MYT1L: variants seen among roughly 807,000 people sequenced by gnomAD.
MYT1L encodes myelin transcription factor 1-like protein.
Under a neutral mutation model 126.7 loss-of-function variants are expected in MYT1L, and 12 were observed. The ratio of observed to expected loss-of-function variants is 0.09; its 90% CI spans 0.06 to 0.15. MYT1L has a LOEUF of 0.15. Among genes scored for constraint, MYT1L ranks in the 10% least tolerant of loss-of-function variants. The pLI is 1.00. For missense variants in MYT1L, 979 were observed against 1,585.2 expected, an observed-to-expected ratio of 0.62 and a Z score of 6.49; for synonymous variants, 541 against 604.2, an observed-to-expected ratio of 0.90 and a Z score of 1.53.
intron 2 of MYT1L, among the ~76,000 whole-genome samples, chr2:2,212,443 A>C (rs1414234590): frequency 6.6e-6 from 1 of 152,174 alleles, no homozygotes; most frequent in Non-Finnish European, 1.5e-5. Context: ...TATAACAACA[A>C]ATGTTATATA....
chr2:1,996,281 C>T (rs1264233018), intron 5 of MYT1L, among the ~76,000 whole-genome samples: 1 of 151,658 alleles, frequency 6.6e-6, no homozygotes, highest in South Asian at 2.1e-4. Flanking sequence ...CTGTACAGAA[C>T]CGAGTGTAGA....
chr2:2,047,232 TC>T (rs2068294426), intron 4 of MYT1L, among the ~76,000 whole-genome samples: 1 of 152,240 alleles, frequency 6.6e-6, no homozygotes, highest in Non-Finnish European at 1.5e-5. Context: ...AAGTTTAATG[TC>T]TTACATGGAC....
chr2:1,798,593 C>T (rs1472300255), intron 23 of MYT1L, among the ~76,000 whole-genome samples: 1 of 152,218 alleles, frequency 6.6e-6, no homozygotes, highest in Non-Finnish European at 1.5e-5. Flanking sequence ...TTGAACATGT[C>T]ATGACGCACT....
At chr2:2,246,654 A>G (rs1421612) in intron 2 of MYT1L, among the ~76,000 whole-genome samples, 16,074 of 152,194 alleles carry the variant, frequency 0.11, 1,075 homozygotes, top group African/African-American at 0.19. Flanking sequence ...TATACAAGGT[A>G]ATTCACAATG....
intron 3 of MYT1L, among the ~76,000 whole-genome samples, chr2:2,136,331 G>A (rs2083048772): frequency 6.6e-6 from 1 of 152,144 alleles, no homozygotes; most frequent in Non-Finnish European, 1.5e-5. Context: ...TGTTACCAAG[G>A]AGCGAGGAAT....
At chr2:1,968,628 T>C (rs1293133306) in intron 8 of MYT1L, among the ~76,000 whole-genome samples, 1 of 152,174 alleles carries the variant, frequency 6.6e-6, no homozygotes, top group African/African-American at 2.4e-5. Flanking sequence ...ATCTTAAGGA[T>C]GCAACCAGAG....
At chr2:2,319,707 C>A (rs1385533214) in intron 1 of MYT1L, among the ~76,000 whole-genome samples, 3 of 151,520 alleles carry the variant, frequency 2.0e-5, no homozygotes, top group African/African-American at 7.3e-5. Flanking sequence ...AAAATGCATT[C>A]AAGAAAAGTA....
At chr2:2,012,811 C>T (rs1269924367) in intron 4 of MYT1L, among the ~76,000 whole-genome samples, 1 of 152,190 alleles carries the variant, frequency 6.6e-6, no homozygotes, top group Non-Finnish European at 1.5e-5. Flanking sequence ...AGAGCCACCG[C>T]TGTGGTACCG....
At chr2:1,975,035 C>T (rs150975058) in intron 8 of MYT1L, among the ~76,000 whole-genome samples, 12 of 152,270 alleles carry the variant, frequency 7.9e-5, no homozygotes, top group African/African-American at 2.6e-4. Context: ...AACCTTACTC[C>T]TACCAAAAAA....
chr2:2,267,150 C>G (rs572366990), intron 2 of MYT1L, among the ~76,000 whole-genome samples: 1 of 152,218 alleles, frequency 6.6e-6, no homozygotes, highest in Admixed American at 6.5e-5. Context: ...GAGCAGCTGA[C>G]GTCTGGGCAA....
At chr2:2,039,520 A>C (rs1012465140) in intron 4 of MYT1L, among the ~76,000 whole-genome samples, 4 of 152,240 alleles carry the variant, frequency 2.6e-5, no homozygotes, top group African/African-American at 9.6e-5. Context: ...GAAGTTTACC[A>C]TTTGCAGGAA....
chr2:2,144,330 T>A (rs975885092), intron 3 of MYT1L, among the ~76,000 whole-genome samples: 7 of 152,100 alleles, frequency 4.6e-5, no homozygotes, highest in Admixed American at 4.6e-4. Context: ...CTGATGGAGG[T>A]CACCAGTCAG....
chr2:2,199,569 G>C (rs181634953), intron 2 of MYT1L, among the ~76,000 whole-genome samples: 6 of 152,180 alleles, frequency 3.9e-5, no homozygotes, highest in Admixed American at 6.5e-5. Context: ...CCCCGTCCTC[G>C]CATTTGATGG....
At chr2:2,234,530 C>A (rs916547049) in intron 2 of MYT1L, among the ~76,000 whole-genome samples, 7 of 152,146 alleles carry the variant, frequency 4.6e-5, no homozygotes, top group Middle Eastern at 3.2e-3. Context: ...AGGTTACAGA[C>A]AAAGACAAAG....
intron 1 of MYT1L, among the ~76,000 whole-genome samples, chr2:2,307,063 G>A (rs1290798033): frequency 6.6e-6 from 1 of 152,172 alleles, no homozygotes; most frequent in Non-Finnish European, 1.5e-5. Flanking sequence ...AGACATTGCA[G>A]AAGTAACAGT....
chr2:2,064,638 C>T (rs1487186109), intron 3 of MYT1L, among the ~76,000 whole-genome samples: 3 of 152,026 alleles, frequency 2.0e-5, no homozygotes, highest in African/African-American at 7.2e-5. Context: ...GAATTAGAAA[C>T]AATATAAGTT....
chr2:2,330,053 C>A (rs1354087935), intron 1 of MYT1L, among the ~76,000 whole-genome samples: 2 of 151,564 alleles, frequency 1.3e-5, no homozygotes, highest in Non-Finnish European at 2.9e-5. Flanking sequence ...GGAGACATGA[C>A]TTTATTATTT....
intron 18 of MYT1L, among the ~76,000 whole-genome samples, chr2:1,875,865 A>G (rs1175229484): frequency 1.4e-4 from 21 of 152,082 alleles, no homozygotes; most frequent in Admixed American, 1.3e-3. Context: ...AGGGCTCTGC[A>G]CTCTTAGTGC....
At chr2:1,804,990 C>G (rs749133339) in intron 22 of MYT1L, among the ~76,000 whole-genome samples, 1 of 152,286 alleles carries the variant, frequency 6.6e-6, no homozygotes, top group Non-Finnish European at 1.5e-5. Flanking sequence ...GATGGTACAA[C>G]TTCAGCCAAG....
Sources: allele counts gnomAD v4.1 joint callset (sites outside exome capture counted in the v4.1 genomes callset), GRCh38; gene constraint gnomAD v4.1.1; transcripts MANE v1.5; gene names NCBI Gene and HGNC (gene_info 2026-07-23, HGNC 2026-07-21).